ASIC2: variants seen among roughly 807,000 people sequenced by gnomAD.
The protein encoded by ASIC2 is acid-sensing ion channel 2.
A neutral mutation model predicts 57.3 loss-of-function variants in ASIC2; 25 were observed. The ratio of observed to expected loss-of-function variants is 0.44; its 90% confidence interval spans 0.32 to 0.61. The LOEUF is 0.61. Among genes scored for constraint, ASIC2 ranks in the 20% least tolerant of loss-of-function variants. ASIC2 has a pLI of 0.06. For missense variants in ASIC2, 641 were observed against 738.1 expected, an observed-to-expected ratio of 0.87 and a Z score of 1.52; for synonymous variants, 319 against 307.5, an observed-to-expected ratio of 1.04 and a Z score of -0.39.
chr17:34,120,394 GT>G (rs2142118470), intron 1 of ASIC2, among the ~76,000 whole-genome samples: 1 of 152,150 alleles, frequency 6.6e-6, no homozygotes, highest in East Asian at 1.9e-4. Flanking sequence ...ACAGTATAGA[GT>G]GTGTCTGTGC....
At position 33,248,568 on chromosome 17, in the gene ASIC2, CAG is replaced by C. The variant is rs368659662; in HGVS notation, c.708+42838_708+42839del. 1.1e-4 allele frequency among the ~76,000 whole-genome samples: 16 copies of C among 152,330 alleles called. No homozygotes were observed. The South Asian group carries it at 3.3e-3, about 32-fold the overall frequency. ...TATTCTCTCAAAGTTCTAGAGGCCA[CAG>C]ATCCAGAATTTGTTTCACTGAGCTG... On this transcript the variant is annotated intron_variant, in intron 1 of 9. Coordinates refer to ENST00000225823, the MANE Select transcript of ASIC2 (RefSeq NM_183377.2).
Position 33,292,518 on chromosome 17 carries a change from T to TC in ASIC2, c.-404dup, listed in dbSNP as rs1362066159. The TC allele has an allele frequency of 2.0e-6, 2 of 985,338 alleles. No homozygotes were observed. The highest frequency in any genetic ancestry group is 2.4e-6 in the Non-Finnish European group (2 of 830,252). The allele number at this position is 985,338 out of a possible 1,614,324, so 61.0% of individuals were successfully genotyped here. A position where few individuals can be genotyped will look rare whatever the true frequency, so the allele number is the denominator to read the frequency against. On this transcript the variant is annotated 5_prime_UTR_variant, in exon 1 of 10. Transcript: ENST00000225823. ...GGACCTCGGGGGACCCTGAGCCGAG[T>TC]CCCCCCTGCCCCGCCTAACCCCAGC...
intron 1 of ASIC2, among the ~76,000 whole-genome samples, chr17:33,802,506 G>C (rs779364365): frequency 2.0e-5 from 3 of 152,198 alleles, no homozygotes; most frequent in Non-Finnish European, 4.4e-5. Context: ...GCCACTCCCT[G>C]CCCACGTGGA....
At chr17:33,954,226 A>G (rs897743729) in intron 1 of ASIC2, among the ~76,000 whole-genome samples, 8 of 152,222 alleles carry the variant, frequency 5.3e-5, no homozygotes, top group Non-Finnish European at 8.8e-5. Context: ...AAGGCCAGGC[A>G]AAACCGTGCC....
intron 1 of ASIC2, among the ~76,000 whole-genome samples, chr17:33,462,908 GGT>G (rs1431490293): frequency 6.6e-6 from 1 of 152,166 alleles, no homozygotes; most frequent in East Asian, 1.9e-4. Context: ...TGATGAGAGA[GGT>G]GATGGAGCTT....
rs1161141315 is a variant in ASIC2 at position 33,418,028 on chromosome 17, A to ATGTGTGTGTGTGTG, written c.556-305975_556-305962dup. Among the ~76,000 whole-genome samples, 84 of 67,796 alleles carry ATGTGTGTGTGTGTG rather than the reference A, an allele frequency of 1.2e-3. 1 individual carries two copies. Among genetic ancestry groups the ATGTGTGTGTGTGTG allele is most frequent in the African/African-American group, 2.7e-3 (74 of 27,000 alleles). 44.5% of individuals were successfully genotyped at this position (67,796 alleles called of 152,430 possible). A position where few individuals can be genotyped will look rare whatever the true frequency, so the allele number is the denominator to read the frequency against. On this transcript the variant is annotated intron_variant, in intron 1 of 9. Coordinates refer to the ASIC2 transcript ENST00000359872. ...CCACTCTGGCTCTCAGCATGTATGT[A>ATGTGTGTGTGTGTG]TGTGTGTGTGTGTGTGTGTGTGTGT...
At chr17:33,953,987 G>A (rs977023704) in intron 1 of ASIC2, among the ~76,000 whole-genome samples, 4 of 152,216 alleles carry the variant, frequency 2.6e-5, no homozygotes, top group Non-Finnish European at 5.9e-5. Context: ...GGGTTTTGGA[G>A]CACATTGCTT....
chr17:33,396,304 A>G (rs1910074637), intron 1 of ASIC2, among the ~76,000 whole-genome samples: 1 of 152,186 alleles, frequency 6.6e-6, no homozygotes, highest in Admixed American at 6.5e-5. Flanking sequence ...CAACCTTTGT[A>G]ACAATTACGG....
chr17:33,972,958 G>A (rs1951040332), intron 1 of ASIC2, among the ~76,000 whole-genome samples: 1 of 152,248 alleles, frequency 6.6e-6, no homozygotes, highest in South Asian at 2.1e-4. Context: ...GAGACTGAAA[G>A]AGGGATGTGC....
intron 1 of ASIC2, chr17:34,041,332 A>G (rs1908124823): frequency 6.6e-6 from 1 of 152,224 alleles, no homozygotes; most frequent in African/African-American, 2.4e-5. Context: ...CATTAAGCCA[A>G]CAGTCTTGAA....
chr17:33,986,302 C>T (rs1416374325), intron 1 of ASIC2, among the ~76,000 whole-genome samples: 2 of 151,508 alleles, frequency 1.3e-5, no homozygotes, highest in Admixed American at 1.3e-4. Context: ...GGGCAGATGT[C>T]CAAAGTGAAG....
intron 1 of ASIC2, chr17:34,041,376 T>C (rs998811548): frequency 3.3e-5 from 5 of 152,200 alleles, no homozygotes; most frequent in African/African-American, 9.6e-5. Flanking sequence ...AGTCCTCAAA[T>C]GCACTTCTAT....
chr17:33,748,407 A>T lies in ASIC2; in HGVS notation c.555+407571T>A, dbSNP rs1453754781. 3.3e-5 allele frequency among the ~76,000 whole-genome samples: 5 copies of T among 152,352 alleles called. No individual in the cohort carries two copies. The East Asian group carries it at 7.7e-4, about 24-fold the overall frequency. ...AGTTTATGGAAACTCCTTTGGCCTC[A>T]GATTTAGCCTCTGCAAGAGGAGACA... On this transcript the variant is annotated intron_variant, in intron 1 of 9. Transcript: ENST00000359872.
At chr17:33,111,264 C>T (rs181947045) in intron 2 of ASIC2, among the ~76,000 whole-genome samples, 115 of 152,316 alleles carry the variant, frequency 7.6e-4, no homozygotes, top group African/African-American at 2.6e-3. Flanking sequence ...TCCTCTGGGC[C>T]GTGATCAAGG....
intron 1 of ASIC2, among the ~76,000 whole-genome samples, chr17:34,042,937 G>A (rs1002164534): frequency 2.0e-5 from 3 of 152,148 alleles, no homozygotes; most frequent in Non-Finnish European, 4.4e-5. Flanking sequence ...TATATTTGCA[G>A]AATACTATAT....
chr17:33,430,372 A>G (rs1342104934), intron 1 of ASIC2, among the ~76,000 whole-genome samples: 1 of 152,208 alleles, frequency 6.6e-6, no homozygotes. Context: ...GGGCAGAGGC[A>G]TCAAGAGTAG....
At chr17:33,759,068 A>AG (rs1910700188) in intron 1 of ASIC2, among the ~76,000 whole-genome samples, 1 of 152,170 alleles carries the variant, frequency 6.6e-6, no homozygotes, top group South Asian at 2.1e-4. Context: ...ACAAGAAGAT[A>AG]AGGGAAAGTT....
intron 1 of ASIC2, among the ~76,000 whole-genome samples, chr17:33,370,171 C>G (rs1908994023): frequency 6.6e-6 from 1 of 152,172 alleles, no homozygotes; most frequent in South Asian, 2.1e-4. Context: ...CTGCAACCTA[C>G]AGGGAGCAAA....
chr17:33,969,438 G>A (rs1189419403), intron 1 of ASIC2, among the ~76,000 whole-genome samples: 1 of 152,180 alleles, frequency 6.6e-6, no homozygotes, highest in Non-Finnish European at 1.5e-5. Flanking sequence ...TCTTGGGCTG[G>A]GCTGTCTCAC....
Sources: gnomAD v4.1 joint callset for allele counts (sites outside exome capture counted in the v4.1 genomes callset) on GRCh38, gnomAD v4.1.1 for gene constraint, MANE v1.5 for transcripts, NCBI Gene and HGNC (gene_info 2026-07-23, HGNC 2026-07-21) for gene names.